The following FTO variants were observed in gnomAD, a reference collection of about 807,000 sequenced individuals.
FTO encodes the protein alpha-ketoglutarate-dependent dioxygenase FTO.
Under a neutral mutation model 63.9 loss-of-function variants are expected in FTO, and 47 were observed. The observed-to-expected ratio is 0.74, with a 90% CI of 0.58 to 0.94. The LOEUF (loss-of-function observed/expected upper bound fraction) is 0.94. FTO is among the 40% of genes least tolerant of loss of function. The pLI is 0.00. For missense variants in FTO, 562 were observed against 618.1 expected (o/e 0.91, Z 0.96); for synonymous variants, 207 against 224.4 (o/e 0.92, Z 0.69).
chr16:53,752,585 G>A (rs74020804), intron 1 of FTO, among the ~76,000 whole-genome samples: 3,638 of 152,240 alleles, frequency 0.024, 57 homozygotes, highest in Middle Eastern at 0.088. Flanking sequence ...CTATATCTCA[G>A]CAATCAATCT....
chr16:53,823,832 C>T (rs2078931037), intron 2 of FTO, among the ~76,000 whole-genome samples: 1 of 152,032 alleles, frequency 6.6e-6, no homozygotes, highest in African/African-American at 2.4e-5. Flanking sequence ...TTGCAGTGAG[C>T]CAAGATCATG....
At chr16:53,797,764 A>G (rs777969915) in intron 1 of FTO, among the ~76,000 whole-genome samples, 1 of 152,066 alleles carries the variant, frequency 6.6e-6, no homozygotes, top group Non-Finnish European at 1.5e-5. Context: ...TTTTGTTTTC[A>G]TGAGAGCAGT....
chr16:53,972,385 T>G (rs1024989322), intron 8 of FTO, among the ~76,000 whole-genome samples: 1 of 152,180 alleles, frequency 6.6e-6, no homozygotes, highest in Non-Finnish European at 1.5e-5. Context: ...AAAATGAGTT[T>G]TTTATTTCTA....
intron 7 of FTO, among the ~76,000 whole-genome samples, chr16:53,890,907 C>G (rs2151909617): frequency 6.6e-6 from 1 of 152,088 alleles, no homozygotes; most frequent in Middle Eastern, 3.4e-3. Flanking sequence ...AACCTTGGCT[C>G]TAAGACATCA....
At chr16:53,779,878 C>A (rs949379858) in intron 1 of FTO, among the ~76,000 whole-genome samples, 2 of 152,094 alleles carry the variant, frequency 1.3e-5, no homozygotes, top group African/African-American at 4.8e-5. Context: ...CTGATATATC[C>A]TGAACCTGTA....
intron 1 of FTO, among the ~76,000 whole-genome samples, chr16:53,725,640 G>C (rs2076135472): frequency 6.6e-6 from 1 of 152,196 alleles, no homozygotes; most frequent in African/African-American, 2.4e-5. Context: ...AGGGCAATTA[G>C]TTGACCTTTG....
At chr16:54,070,628 G>A (rs2085847048) in intron 8 of FTO, 1 of 152,084 alleles carries the variant, frequency 6.6e-6, no homozygotes, top group East Asian at 1.9e-4. Flanking sequence ...CTAATACCAC[G>A]GATGGCATGG....
Position 54,112,541 on chromosome 16 carries a change from T to C in FTO, c.*626T>C, listed in dbSNP as rs1355464858. The C allele has an allele frequency of 1.3e-5, 2 of 152,436 alleles. No individual in the cohort carries two copies. The highest frequency in any genetic ancestry group is 2.9e-5 in the Non-Finnish European group (2 of 68,242). The allele number at this position is 152,436 out of a possible 1,614,324, so 9.4% of individuals were successfully genotyped here. Reference sequence around the variant, plus strand: ...AAAGTCCTATTGGACAACACTTCTATAAAAAGTTTGAGAGCAGGAATTCTC... The same window carrying C: ...AAAGTCCTATTGGACAACACTTCTACAAAAAGTTTGAGAGCAGGAATTCTC... On this transcript the variant is annotated 3_prime_UTR_variant, in exon 9 of 9. Transcript: ENST00000471389.
intron 1 of FTO, among the ~76,000 whole-genome samples, chr16:53,761,456 T>G (rs925734095): frequency 6.6e-6 from 1 of 152,172 alleles, no homozygotes; most frequent in African/African-American, 2.4e-5. Flanking sequence ...AGGAGCCAAG[T>G]GCATGTTTTG....
At chr16:54,092,355 A>T (rs564113210) in intron 8 of FTO, among the ~76,000 whole-genome samples, 1 of 152,130 alleles carries the variant, frequency 6.6e-6, no homozygotes, top group African/African-American at 2.4e-5. Flanking sequence ...GGATCTCAAG[A>T]CCTGGATTCT....
Position 53,844,156 on chromosome 16 carries a change from C to T in FTO, c.753C>T (p.Gly251=), listed in dbSNP as rs770905300. ...AVAVYSYSCE[G]PEEESEDDSH... ...GATCATTTTCTTCTCTTTTGGCAGG[C>T]CCTGAAGAGGAAAGTGAGGATGACT... The change falls in exon 4 of 9, where the codon GGC becomes GGT. Residue 251 remains glycine (G), a splice_region_variant and synonymous_variant. Transcript: ENST00000471389. 2 of 1,613,118 alleles carry T rather than the reference C, an allele frequency of 1.2e-6. No homozygotes were observed. The highest frequency in any genetic ancestry group is 1.7e-6 in the Non-Finnish European group (2 of 1,179,248).
intron 7 of FTO, chr16:53,923,186 A>T (rs1419762510): frequency 6.6e-6 from 1 of 152,250 alleles, no homozygotes; most frequent in African/African-American, 2.4e-5. Context: ...ATTTCCTATC[A>T]TAAGAAGCCT....
intron 4 of FTO, among the ~76,000 whole-genome samples, chr16:53,865,636 C>T (rs2080289489): frequency 6.6e-6 from 1 of 152,116 alleles, no homozygotes; most frequent in Non-Finnish European, 1.5e-5. Context: ...CATTCTGAAT[C>T]TGTTGTCTGC....
intron 8 of FTO, among the ~76,000 whole-genome samples, chr16:53,947,095 A>G (rs1371323137): frequency 6.6e-6 from 1 of 152,162 alleles, no homozygotes; most frequent in Non-Finnish European, 1.5e-5. Context: ...AATTCCATCC[A>G]TCTCGCTTAG....
intron 4 of FTO, among the ~76,000 whole-genome samples, chr16:53,864,829 C>T (rs911890981): frequency 2.6e-5 from 4 of 151,964 alleles, no homozygotes; most frequent in African/African-American, 9.7e-5. Flanking sequence ...ATGGAGTTTT[C>T]GATAAATTAG....
chr16:54,098,625 A>AGTCT (rs1243881887), intron 8 of FTO, among the ~76,000 whole-genome samples: 3 of 152,200 alleles, frequency 2.0e-5, no homozygotes, highest in African/African-American at 7.2e-5. Flanking sequence ...ACTCACTGGC[A>AGTCT]GTCTGTCTGT....
intron 1 of FTO, among the ~76,000 whole-genome samples, chr16:53,790,482 T>C (rs751874852): frequency 7.4e-5 from 11 of 148,800 alleles, no homozygotes; most frequent in Non-Finnish European, 1.5e-4. Flanking sequence ...TTTGGGAGCC[T>C]GAGGCAGGAG....
rs531141725 is a variant in FTO, at chr16:53,877,449, A to G, written c.976-2395A>G. Among the ~76,000 whole-genome samples, 11 of 152,358 alleles carry G rather than the reference A, an allele frequency of 7.2e-5. 1 individual carries two copies. The South Asian group carries it at 2.3e-3, about 32-fold the overall frequency. On this transcript the variant is annotated intron_variant, in intron 5 of 8. Coordinates refer to ENST00000471389, the MANE Select transcript of FTO (RefSeq NM_001080432.3). ...GGAAGCAACCAGTCACAAAAGATAC[A>G]TATTATATAATTCATTTATATGAAG...
chr16:53,733,672 T>C (rs1206628881), intron 1 of FTO, among the ~76,000 whole-genome samples: 4 of 152,222 alleles, frequency 2.6e-5, no homozygotes, highest in Admixed American at 6.5e-5. Flanking sequence ...GTTTAACCTG[T>C]CATCTTGAAA....
Sources: gnomAD v4.1 joint callset for allele counts (sites outside exome capture counted in the v4.1 genomes callset) on GRCh38, gnomAD v4.1.1 for gene constraint, MANE v1.5 for transcripts, NCBI Gene and HGNC (gene_info 2026-07-23, HGNC 2026-07-21) for gene names.